Variants in LRP2 observed in about 807,000 individuals in gnomAD.
LRP2 encodes the protein LDL receptor related protein 2, also known as low-density lipoprotein receptor-related protein 2.
In LRP2, 172 loss-of-function variants were observed where a neutral mutation model predicts 531.0. The observed-to-expected ratio is 0.32, with a 90% CI of 0.29 to 0.37. LRP2 has a LOEUF of 0.37. LRP2 is among the 10% of genes least tolerant of loss of function. The probability of loss-of-function intolerance (pLI) is 1.00; values close to 1 mark genes in which losing one functional copy is unlikely to be tolerated. For missense variants in LRP2, 5,167 were observed against 5,868.3 expected, an observed-to-expected ratio of 0.88 and a Z score of 3.90; for synonymous variants, 1,992 against 2,027.6, an observed-to-expected ratio of 0.98 and a Z score of 0.47.
chr2:169,167,678 T>C (rs1434696296), intron 61 of LRP2, among the ~76,000 whole-genome samples: 1 of 152,090 alleles, frequency 6.6e-6, no homozygotes, highest in Admixed American at 6.6e-5. Flanking sequence ...TTTGCATTTC[T>C]AACATATTCC....
chr2:169,204,319 T>A (rs1292849933), intron 41 of LRP2, 48 bp from the exon 42 acceptor site: 1 of 1,583,658 alleles, frequency 6.3e-7, no homozygotes, highest in African/African-American at 1.3e-5. Flanking sequence ...TCAAGTGAGT[T>A]AAGTTTTCAA....
At chr2:169,160,685 A>AAAAAAAAAAAACCAAAAAAAAAAC (rs970862922) in intron 63 of LRP2, among the ~76,000 whole-genome samples, 1 of 94,234 alleles carries the variant, frequency 1.1e-5, no homozygotes, top group Admixed American at 1.2e-4. Flanking sequence ...ATTTCCTTAA[A>AAAAAAAAAAAACCAAAAAAAAAAC]AAAAAAAAAA....
rs137902516 is a variant in LRP2, at chr2:169,314,627, A to G, written c.310+4135T>C. Among the ~76,000 whole-genome samples, 394 of 152,340 alleles carry G rather than the reference A, an allele frequency of 2.6e-3. 2 individuals are homozygous for G. Among genetic ancestry groups the G allele is most frequent in the African/African-American group, 9.2e-3 (383 of 41,580 alleles). ...TGTTTAATTAGCAAAATGGTGTCTT[A>G]TAATTCTGGAACAGCAAACAAAATT... On this transcript the variant is annotated intron_variant, in intron 3 of 78. Transcript: ENST00000649046.
intron 5 of LRP2, 109 bp from the exon 6 acceptor site, chr2:169,294,370 C>T (rs146905763): frequency 1.2e-6 from 1 of 800,230 alleles, no homozygotes; most frequent in African/African-American, 1.7e-5. Flanking sequence ...TCTTATTAAG[C>T]AGTGGTGTGC....
chr2:169,346,295 T>C (rs831039), intron 1 of LRP2, among the ~76,000 whole-genome samples: 151,193 of 152,320 alleles, frequency 0.99, 75,043 homozygotes, highest in Middle Eastern at 1. Flanking sequence ...TCAGTTAGTA[T>C]GTTCAATTTT....
Position 169,319,324 on chromosome 2 carries a change from A to G in LRP2, c.188-440T>C, listed in dbSNP as rs116209994. ...CAAATAATTATTATTTCCATGATTTACTTCCTTTAAGATCTTTGGCAGGTT... is the reference window on the plus strand; with the variant it reads ...CAAATAATTATTATTTCCATGATTTGCTTCCTTTAAGATCTTTGGCAGGTT... On this transcript the variant is annotated intron_variant, in intron 2 of 78. Transcript: ENST00000649046. 5.9e-3 allele frequency among the ~76,000 whole-genome samples: 896 copies of G among 152,340 alleles called. 8 individuals carry two copies. The highest frequency in any genetic ancestry group is 0.02 in the African/African-American group (817 of 41,576).
chr2:169,318,843 C>T lies in LRP2; in HGVS notation c.229G>A (p.Glu77Lys). Residue 77 changes from glutamate to lysine, a missense_variant, in exon 3 of 79, where the codon GAG becomes AAG. Around this residue, in one of 6 missense-constraint regions of LRP2, gnomAD observed 2,811 missense variants for 3,058.0 expected, o/e 0.92. Transcript: ENST00000649046. Reference protein sequence around the residue: ...CQQGYFKCQSEGQCIPNSWVC... With the variant: ...CQQGYFKCQSKGQCIPNSWVC... Reference sequence around the variant, plus strand: ...CAGGAGTTGGGGATGCATTGTCCCTCACTCTGGCACTTGAAATAGCCCTGC... The same window carrying T: ...CAGGAGTTGGGGATGCATTGTCCCTTACTCTGGCACTTGAAATAGCCCTGC... 1 of 1,614,162 alleles carries T rather than the reference C, an allele frequency of 6.2e-7. No homozygotes were observed. The highest frequency in any genetic ancestry group is 8.5e-7 in the Non-Finnish European group (1 of 1,180,006).
At chr2:169,283,973 A>G (rs1394726879) in intron 9 of LRP2, among the ~76,000 whole-genome samples, 1 of 152,172 alleles carries the variant, frequency 6.6e-6, no homozygotes, top group Non-Finnish European at 1.5e-5. Context: ...TCCACTCTCC[A>G]TCATCCTTCA....
intron 1 of LRP2, among the ~76,000 whole-genome samples, chr2:169,350,627 G>A (rs1422710526): frequency 6.6e-6 from 1 of 150,740 alleles, no homozygotes; most frequent in Non-Finnish European, 1.5e-5. Flanking sequence ...GGGAGGCTGA[G>A]GCAGGAGAAT....
intron 68 of LRP2, among the ~76,000 whole-genome samples, chr2:169,148,615 A>G (rs554692249): frequency 6.6e-6 from 1 of 152,160 alleles, no homozygotes; most frequent in South Asian, 2.1e-4. Context: ...GTGACAGAGC[A>G]AGACCCTGTC....
In LRP2 at chr2:169,292,449, C is replaced by A. The variant is rs886095077; in HGVS notation, c.653-80G>T. 73 of 908,260 alleles carry A rather than the reference C, an allele frequency of 8.0e-5. No homozygotes were observed. In the African/African-American group the frequency reaches 1.1e-3, roughly 14 times the overall value. 56.3% of individuals were successfully genotyped at this position (908,260 alleles called of 1,614,324 possible). A position where few individuals can be genotyped will look rare whatever the true frequency, so the allele number is the denominator to read the frequency against. Reference sequence around the variant, plus strand: ...AAGTGCTCTCACCTCACTGCCTAAGCAGTACTCCTAGAAATTGAAATTTCT... The same window carrying A: ...AAGTGCTCTCACCTCACTGCCTAAGAAGTACTCCTAGAAATTGAAATTTCT... On this transcript the variant is annotated intron_variant, in intron 6 of 78. Transcript: ENST00000649046.
intron 8 of LRP2, among the ~76,000 whole-genome samples, 184 bp from the exon 9 acceptor site, chr2:169,289,329 T>C (rs1683941330): frequency 6.6e-6 from 1 of 152,150 alleles, no homozygotes; most frequent in African/African-American, 2.4e-5. Flanking sequence ...ACAGGAAGAT[T>C]GCTTGAAGCC....
chr2:169,257,132 G>A lies in LRP2; in HGVS notation c.2631C>T (p.Ile877=), dbSNP rs139833815. The A allele has an allele frequency of 9.3e-6, 15 of 1,612,500 alleles. No individual in the cohort carries two copies. The highest frequency in any genetic ancestry group is 4.0e-5 in the African/African-American group (3 of 74,834). ...TGATGATTCCTACTTACGCCCAATC[G>A]ATGGCCAAGCCATTGGGCCATCCAA... The part of the protein sequence containing the change: ...TTLGWPNGLA[I]DWAASRLYWV... Residue 877 remains isoleucine (I), a synonymous_variant, in exon 18 of 79, where the codon ATC becomes ATT. Transcript: ENST00000649046.
rs1336900319 is a variant in LRP2, at chr2:169,175,233, T to C, written c.10728A>G (p.Gln3576=). The change falls in exon 55 of 79, where the codon CAA becomes CAG. Residue 3576 remains glutamine, a synonymous_variant. Coordinates refer to ENST00000649046, the MANE Select transcript of LRP2 (RefSeq NM_004525.3). ...TSPQTLCNAH[Q]NCPDGSDEDR... The stretch of plus-strand genomic sequence containing the variant: ...CTTCATCAGACCCATCAGGGCAATT[T>C]TGGTGAGCATTGCATAAAGTCTGCG... 5 of 1,614,028 alleles carry C rather than the reference T, an allele frequency of 3.1e-6. No homozygotes were observed. In the South Asian group the frequency reaches 5.5e-5, roughly 18 times the overall value.
chr2:169,200,085 C>A (rs1688148605), intron 44 of LRP2, among the ~76,000 whole-genome samples: 1 of 151,904 alleles, frequency 6.6e-6, no homozygotes, highest in Admixed American at 6.6e-5. Context: ...CTCGTCTCTA[C>A]TAAAAAATAC....
At chr2:169,226,803 C>T (rs1002617302) in intron 31 of LRP2, among the ~76,000 whole-genome samples, 18 of 152,162 alleles carry the variant, frequency 1.2e-4, no homozygotes, top group Admixed American at 1.0e-3. Context: ...ACATACAACG[C>T]TGTCTGGACT....
At chr2:169,331,716 C>T (rs751656411) in intron 1 of LRP2, among the ~76,000 whole-genome samples, 1 of 152,208 alleles carries the variant, frequency 6.6e-6, no homozygotes, top group Non-Finnish European at 1.5e-5. Flanking sequence ...AATCAAACTA[C>T]TTACAAGAAT....
In LRP2 at chr2:169,272,838, AG is replaced by A. The variant is rs1166503579; in HGVS notation, c.2116+88del. 2.6e-6 allele frequency: 4 copies of A among 1,546,986 alleles called. No individual in the cohort carries two copies. The East Asian group carries it at 9.0e-5, about 35-fold the overall frequency. On this transcript the variant is annotated intron_variant, in intron 15 of 78. Coordinates refer to ENST00000649046, the MANE Select transcript of LRP2 (RefSeq NM_004525.3). Reference sequence around the variant, plus strand: ...AAGAAGTTAGACAGGGAGCTGGTCCAGTTCAAGAGTAGCAGTTAGTCTAGTT... The same window carrying A: ...AAGAAGTTAGACAGGGAGCTGGTCCATTCAAGAGTAGCAGTTAGTCTAGTT...
intron 1 of LRP2, among the ~76,000 whole-genome samples, chr2:169,322,033 T>C (rs1684922135): frequency 6.6e-6 from 1 of 152,234 alleles, no homozygotes; most frequent in South Asian, 2.1e-4. Context: ...AAAATTATTT[T>C]ATTCTTTCAC....
Sources: allele counts gnomAD v4.1 joint callset (sites outside exome capture counted in the v4.1 genomes callset), GRCh38; gene constraint gnomAD v4.1.1; regional missense constraint gnomAD v4.1.1; transcripts MANE v1.5; gene names NCBI Gene and HGNC (gene_info 2026-07-23, HGNC 2026-07-21).